Variants in SLC25A17 observed in about 807,000 individuals in gnomAD.
SLC25A17 encodes the protein solute carrier family 25 member 17, also known as peroxisomal membrane protein PMP34.
Under a neutral mutation model 38.5 loss-of-function variants are expected in SLC25A17, and 26 were observed. That is an observed-to-expected ratio of 0.68 (90% confidence interval 0.50 to 0.94). SLC25A17 has a LOEUF of 0.94. SLC25A17 is among the 40% of genes least tolerant of loss of function. The pLI is 0.00. For missense variants in SLC25A17, 333 were observed against 372.7 expected, an observed-to-expected ratio of 0.89 and a Z score of 0.88; for synonymous variants, 139 against 136.2, an observed-to-expected ratio of 1.02 and a Z score of -0.14.
At chr22:40,790,066 G>A (rs950539374) in intron 4 of SLC25A17, among the ~76,000 whole-genome samples, 14 of 151,570 alleles carry the variant, frequency 9.2e-5, no homozygotes, top group South Asian at 4.2e-4. Context: ...TAGGCTGGGC[G>A]CGGTGGCTCA....
chr22:40,780,940 T>G (rs1180264871), intron 4 of SLC25A17, among the ~76,000 whole-genome samples: 1 of 151,990 alleles, frequency 6.6e-6, no homozygotes, highest in Non-Finnish European at 1.5e-5. Context: ...GAGGCTGATA[T>G]GGGAGGATCA....
chr22:40,813,346 T>C (rs2057602071), intron 1 of SLC25A17, among the ~76,000 whole-genome samples: 1 of 152,074 alleles, frequency 6.6e-6, no homozygotes, highest in Non-Finnish European at 1.5e-5. Flanking sequence ...GAGACCAGCC[T>C]GGCCAACACG....
intron 4 of SLC25A17, chr22:40,779,558 C>T: frequency 3.5e-6 from 1 of 282,722 alleles, no homozygotes; most frequent in South Asian, 6.5e-5. Flanking sequence ...AAGTAGCTCA[C>T]ACGGTTTGAA....
In SLC25A17 at chr22:40,789,868, C is replaced by G. The variant is rs1284703057; in HGVS notation, c.334+2657G>C. On this transcript the variant is annotated intron_variant, in intron 4 of 8. Coordinates refer to ENST00000435456, the MANE Select transcript of SLC25A17 (RefSeq NM_006358.4). This position sits in a 1 kb window ranked among gnomAD's most constrained non-coding sequence, Gnocchi z 4.5. ...TGTTGCCCAGGCTGGTCTCAAACTG[C>G]GGGCTCAAGTGATCCTCCTGCCTTG... Among the ~76,000 whole-genome samples the G allele has an allele frequency of 6.6e-6, 1 of 151,432 alleles. No homozygotes were observed. Among genetic ancestry groups the G allele is most frequent in the Non-Finnish European group, 1.5e-5 (1 of 67,836 alleles).
chr22:40,777,513 A>G, intron 5 of SLC25A17, 140 bp from the exon 6 acceptor site: 2 of 1,000,540 alleles, frequency 2.0e-6, no homozygotes. Flanking sequence ...GCCGGTTGCA[A>G]TGGCTCACGC....
intron 4 of SLC25A17, among the ~76,000 whole-genome samples, chr22:40,785,016 T>C (rs571677235): frequency 6.6e-6 from 1 of 152,264 alleles, no homozygotes; most frequent in South Asian, 2.1e-4. Flanking sequence ...TATTCTACCA[T>C]GTGACAGCTC....
chr22:40,771,285 T>A (rs1171063853), intron 8 of SLC25A17, among the ~76,000 whole-genome samples: 2 of 152,130 alleles, frequency 1.3e-5, no homozygotes, highest in Non-Finnish European at 2.9e-5. Flanking sequence ...TTTTTTTTTG[T>A]ATTTTTAGTG....
chr22:40,802,553 G>A (rs2057492697), intron 1 of SLC25A17, among the ~76,000 whole-genome samples: 1 of 152,288 alleles, frequency 6.6e-6, no homozygotes, highest in East Asian at 1.9e-4. Context: ...GCTGAGGCAA[G>A]AGAATCACTT....
chr22:40,812,410 C>T lies in SLC25A17; in HGVS notation c.54+6785G>A, dbSNP rs372864254. Among the ~76,000 whole-genome samples the T allele has an allele frequency of 8.5e-5, 13 of 152,230 alleles. No individual in the cohort carries two copies. The East Asian group carries it at 1.5e-3, about 18-fold the overall frequency. On this transcript the variant is annotated intron_variant, in intron 1 of 8. Transcript: ENST00000435456. ...TCTGGTCAAGACTTGGTCCCCCCAGCGTGTGCAATCTTATGGGAATAATAG... is the reference window on the plus strand; with the variant it reads ...TCTGGTCAAGACTTGGTCCCCCCAGTGTGTGCAATCTTATGGGAATAATAG...
At chr22:40,808,658 A>C (rs2145701816) in intron 1 of SLC25A17, among the ~76,000 whole-genome samples, 1 of 152,354 alleles carries the variant, frequency 6.6e-6, no homozygotes, top group African/African-American at 2.4e-5. Flanking sequence ...TGTTTTTATA[A>C]AGAAGCATGT....
intron 3 of SLC25A17, among the ~76,000 whole-genome samples, chr22:40,794,065 G>A (rs1283059998): frequency 2.0e-5 from 3 of 152,204 alleles, no homozygotes; most frequent in Non-Finnish European, 4.4e-5. Context: ...GATGTTAACA[G>A]ATGAATCTGG....
In SLC25A17 at chr22:40,788,619, A is replaced by T. The variant is rs1258560652; in HGVS notation, c.334+3906T>A. Among the ~76,000 whole-genome samples, 3 of 152,202 alleles carry T rather than the reference A, an allele frequency of 2.0e-5. No homozygotes were observed. The East Asian group carries it at 5.8e-4, about 29-fold the overall frequency. On this transcript the variant is annotated intron_variant, in intron 4 of 8. Transcript: ENST00000435456. ...GGCAGCAGAATCACTTGAACCTGGGAGGCAGAGGTCACAGTGAGCCAAGAT... is the reference window on the plus strand; with the variant it reads ...GGCAGCAGAATCACTTGAACCTGGGTGGCAGAGGTCACAGTGAGCCAAGAT...
chr22:40,806,051 G>A (rs1391910811), intron 1 of SLC25A17, among the ~76,000 whole-genome samples: 1 of 152,168 alleles, frequency 6.6e-6, no homozygotes, highest in Non-Finnish European at 1.5e-5. Flanking sequence ...CATGCCAAAG[G>A]TGACTTGGAG....
At chr22:40,805,365 A>T (rs1163872920) in intron 1 of SLC25A17, among the ~76,000 whole-genome samples, 1 of 152,246 alleles carries the variant, frequency 6.6e-6, no homozygotes, top group Non-Finnish European at 1.5e-5. Context: ...TCAAAAAAAG[A>T]TAGCAGAGGA....
intron 4 of SLC25A17, among the ~76,000 whole-genome samples, chr22:40,786,310 CAAA>C (rs1294429530): frequency 3.3e-5 from 4 of 120,246 alleles, no homozygotes; most frequent in African/African-American, 3.1e-5. Flanking sequence ...AACCCTGTTG[CAAA>C]AAAAAAAAAA....
chr22:40,775,447 T>TG, intron 7 of SLC25A17, among the ~76,000 whole-genome samples: 1 of 46,680 alleles, frequency 2.1e-5, no homozygotes, highest in Non-Finnish European at 4.4e-5. Flanking sequence ...TTTTTTTTTT[T>TG]TTTTTTTTTT....
At position 40,797,387 on chromosome 22, in the gene SLC25A17, C is replaced by G. The variant is rs530472070; in HGVS notation, c.115+1636G>C. 23 of 1,030,028 alleles carry G rather than the reference C, an allele frequency of 2.2e-5. 1 individual carries two copies. The highest frequency in any genetic ancestry group is 1.8e-4 in the African/African-American group (11 of 60,512). The allele number at this position is 1,030,028 out of a possible 1,614,324, so 63.8% of individuals were successfully genotyped here. The stretch of plus-strand genomic sequence containing the variant: ...CAGTGAGTTGTAGAGTCCCATAAAG[C>G]TGCAAAGGCAGATTAGGACTACATG... On this transcript the variant is annotated intron_variant, in intron 2 of 8. Coordinates refer to ENST00000435456, the MANE Select transcript of SLC25A17 (RefSeq NM_006358.4).
At chr22:40,798,927 A>G (rs888193926) in intron 2 of SLC25A17, 96 bp downstream of exon 2, 13 of 850,256 alleles carry the variant, frequency 1.5e-5, no homozygotes, top group Non-Finnish European at 2.2e-5. Flanking sequence ...TGGGCTACAA[A>G]AGCGAAACTC....
intron 1 of SLC25A17, among the ~76,000 whole-genome samples, chr22:40,801,136 T>C (rs2057479185): frequency 3.0e-5 from 1 of 33,540 alleles, no homozygotes; most frequent in African/African-American, 1.6e-4. Context: ...TACATATATA[T>C]ATATATATAT....
Sources: gnomAD v4.1 joint callset for allele counts (sites outside exome capture counted in the v4.1 genomes callset) on GRCh38, gnomAD v4.1.1 for gene constraint, Gnocchi (gnomAD v3.1) non-coding constraint, MANE v1.5 for transcripts, NCBI Gene and HGNC (gene_info 2026-07-23, HGNC 2026-07-21) for gene names.